The following FAM120B variants were observed in gnomAD, a reference collection of about 807,000 sequenced individuals.
FAM120B encodes the protein constitutive coactivator of peroxisome proliferator-activated receptor gamma.
Under a neutral mutation model 96.3 loss-of-function variants are expected in FAM120B, and 83 were observed. The ratio of observed to expected loss-of-function variants is 0.86; its 90% CI spans 0.72 to 1.03. The LOEUF (loss-of-function observed/expected upper bound fraction) is 1.03. Among genes scored for constraint, FAM120B ranks in the 50% least tolerant of loss-of-function variants. The pLI, the probability that FAM120B is intolerant of heterozygous loss-of-function variation, is 0.00. For missense variants in FAM120B, 1,027 were observed against 1,121.2 expected (o/e 0.92, Z 1.20); for synonymous variants, 407 against 402.7 (o/e 1.01, Z -0.13).
At chr6:170,350,822 T>A (rs1787525859) in intron 5 of FAM120B, among the ~76,000 whole-genome samples, 1 of 152,196 alleles carries the variant, frequency 6.6e-6, no homozygotes, top group Non-Finnish European at 1.5e-5. Flanking sequence ...TAGATAAGCC[T>A]ACAAACATGA....
chr6:170,361,205 T>TACAC (rs1266614740), intron 6 of FAM120B, among the ~76,000 whole-genome samples: 1 of 76,450 alleles, frequency 1.3e-5, no homozygotes, highest in East Asian at 2.4e-3. Flanking sequence ...CGTGTATATA[T>TACAC]ATATATATAT....
intron 4 of FAM120B, among the ~76,000 whole-genome samples, chr6:170,341,653 C>T (rs983536679): frequency 1.2e-4 from 18 of 152,286 alleles, no homozygotes; most frequent in African/African-American, 3.8e-4. Context: ...TTCTGATCTG[C>T]GGATTGCAAA....
chr6:170,328,947 C>G (rs1785804556), intron 3 of FAM120B, among the ~76,000 whole-genome samples: 1 of 152,210 alleles, frequency 6.6e-6, no homozygotes, highest in African/African-American at 2.4e-5. Context: ...TTACAGCTAG[C>G]ACAGCCCTAC....
At chr6:170,308,983 A>G (rs1051216737) in intron 1 of FAM120B, among the ~76,000 whole-genome samples, 1 of 152,230 alleles carries the variant, frequency 6.6e-6, no homozygotes, top group African/African-American at 2.4e-5. Context: ...AAATGCCTGT[A>G]TTGTTAGATT....
intron 4 of FAM120B, among the ~76,000 whole-genome samples, chr6:170,332,663 A>G (rs1434631949): frequency 6.6e-6 from 1 of 151,736 alleles, no homozygotes; most frequent in African/African-American, 2.4e-5. Context: ...ACGCCATTGC[A>G]CTCCAGCCTG....
chr6:170,290,956 T>C, upstream of FAM120B: 1 of 700,374 alleles, frequency 1.4e-6, no homozygotes, highest in Non-Finnish European at 2.6e-6. The surrounding 1 kb of genome is among the most constrained non-coding windows in gnomAD (Gnocchi z 4.7). Context: ...GCCGCCCTTA[T>C]ATTCAGCCGG....
chr6:170,384,266 C>T (rs1790072973), intron 6 of FAM120B, among the ~76,000 whole-genome samples: 1 of 152,192 alleles, frequency 6.6e-6, no homozygotes, highest in African/African-American at 2.4e-5. Flanking sequence ...TGCCAGCTTC[C>T]TGGTTTGGAT....
Position 170,397,841 on chromosome 6 carries a change from C to T in FAM120B, c.2692+2262C>T, listed in dbSNP as rs576348949. On this transcript the variant is annotated intron_variant, in intron 9 of 10. Coordinates refer to ENST00000476287, the MANE Select transcript of FAM120B (RefSeq NM_032448.3). ...CTAGGTGAGGATTCAGCAGAACCCA[C>T]CTGACCCAGTAAGGCAGGCTGGCAG... is the stretch of plus-strand genomic sequence containing the variant. 2.0e-5 allele frequency among the ~76,000 whole-genome samples: 3 copies of T among 152,322 alleles called. No homozygotes were observed. In the East Asian group the frequency reaches 5.8e-4, roughly 29 times the overall value.
intron 4 of FAM120B, among the ~76,000 whole-genome samples, chr6:170,342,489 C>G (rs1786901826): frequency 6.6e-6 from 1 of 152,200 alleles, no homozygotes. Context: ...GTCCAGCATG[C>G]CTTTCACTCT....
Position 170,406,440 on chromosome 6 carries a change from C to T in FAM120B, c.*1689C>T, listed in dbSNP as rs1463821481. Reference sequence around the variant, plus strand: ...GCACTTGACGAATTACCTTGACCAACGGGCCAAAGGCACAGAGCTCCAAGG... The same window carrying T: ...GCACTTGACGAATTACCTTGACCAATGGGCCAAAGGCACAGAGCTCCAAGG... On this transcript the variant is annotated 3_prime_UTR_variant, in exon 11 of 11. Coordinates refer to ENST00000476287, the MANE Select transcript of FAM120B (RefSeq NM_032448.3). 3.3e-5 allele frequency: 5 copies of T among 152,192 alleles called. No homozygotes were observed. Among genetic ancestry groups the T allele is most frequent in the Admixed American group, 6.5e-5 (1 of 15,280 alleles). 9.4% of individuals were successfully genotyped at this position (152,192 alleles called of 1,614,324 possible).
intron 1 of FAM120B, among the ~76,000 whole-genome samples, chr6:170,297,084 A>G (rs1386485664): frequency 2.0e-5 from 3 of 152,176 alleles, no homozygotes; most frequent in Non-Finnish European, 4.4e-5. Flanking sequence ...AGAGGCTCGC[A>G]AACAATAAAC....
At chr6:170,377,324 C>G (rs1464948503) in intron 6 of FAM120B, among the ~76,000 whole-genome samples, 1 of 142,720 alleles carries the variant, frequency 7.0e-6, no homozygotes, top group Non-Finnish European at 1.5e-5. Flanking sequence ...AACACAGGCT[C>G]ACGCTGCTCG....
intron 1 of FAM120B, among the ~76,000 whole-genome samples, chr6:170,311,052 C>A (rs979273043): frequency 1.3e-5 from 2 of 152,210 alleles, no homozygotes; most frequent in South Asian, 4.1e-4. Context: ...TAGGAAGTGG[C>A]CCTGCATCCC....
intron 3 of FAM120B, among the ~76,000 whole-genome samples, chr6:170,324,950 T>A (rs1785501082): frequency 1.3e-5 from 2 of 152,372 alleles, no homozygotes; most frequent in Middle Eastern, 6.8e-3. Flanking sequence ...TCAGCAGTGT[T>A]AATAAGGCTA....
At chr6:170,309,416 A>T (rs1784467980) in intron 1 of FAM120B, among the ~76,000 whole-genome samples, 1 of 152,212 alleles carries the variant, frequency 6.6e-6, no homozygotes, top group Non-Finnish European at 1.5e-5. Context: ...CTGTACAGTA[A>T]ATCAGGGCCT....
chr6:170,298,775 G>A (rs369082272), intron 1 of FAM120B, among the ~76,000 whole-genome samples: 2 of 152,122 alleles, frequency 1.3e-5, no homozygotes, highest in Non-Finnish European at 2.9e-5. Context: ...TGCAGGTTGC[G>A]AAGGTCCCAG....
chr6:170,326,170 A>T (rs1785579275), intron 3 of FAM120B, among the ~76,000 whole-genome samples: 1 of 152,212 alleles, frequency 6.6e-6, no homozygotes, highest in South Asian at 2.1e-4. Context: ...CATCTTATAT[A>T]ACTGTGGTGT....
chr6:170,302,767 G>C (rs1583167620), upstream of FAM120B, among the ~76,000 whole-genome samples: 1 of 152,102 alleles, frequency 6.6e-6, no homozygotes, highest in Non-Finnish European at 1.5e-5. Context: ...CTGATAAACT[G>C]GCTGTGCACA....
rs752163725 is a variant in FAM120B at position 170,323,162 on chromosome 6, C to G, written c.1818C>G (p.Thr606=). ...GTGGAGAGATTGAATGCAGCAACACCCTAGAAGATGAGCTTGACCAGGCCT... is the reference window on the plus strand; with the variant it reads ...GTGGAGAGATTGAATGCAGCAACACGCTAGAAGATGAGCTTGACCAGGCCT... ...MSSGEIECSN[T]LEDELDQALP... is the part of the protein sequence containing the mutation. The change falls in exon 3 of 11, where the codon ACC becomes ACG. Residue 606 remains threonine, a synonymous_variant. Transcript: ENST00000476287. 7 of 1,613,928 alleles carry G rather than the reference C, an allele frequency of 4.3e-6. No homozygotes were observed. The highest frequency in any genetic ancestry group is 5.9e-6 in the Non-Finnish European group (7 of 1,179,990).
Sources: gnomAD v4.1 joint callset for allele counts (sites outside exome capture counted in the v4.1 genomes callset) on GRCh38, gnomAD v4.1.1 for gene constraint, Gnocchi (gnomAD v3.1) non-coding constraint, MANE v1.5 for transcripts, NCBI Gene and HGNC (gene_info 2026-07-23, HGNC 2026-07-21) for gene names.